Variants in USH2A observed in about 807,000 individuals in gnomAD.
The protein encoded by USH2A is usherin.
A neutral mutation model predicts 538.9 loss-of-function variants in USH2A; 443 were observed. The observed-to-expected ratio is 0.82, with a 90% CI of 0.76 to 0.89. USH2A has a LOEUF of 0.89. USH2A is among the 40% of genes least tolerant of loss of function. USH2A has a pLI of 0.00. For synonymous variants in USH2A, 2,413 were observed against 2,273.5 expected, an observed-to-expected ratio of 1.06 and a Z score of -1.75; for missense variants, 6,633 against 6,324.8, an observed-to-expected ratio of 1.05 and a Z score of -1.65.
At position 216,000,573 on chromosome 1, in the gene USH2A, G is replaced by C. The variant is rs1668246281; in HGVS notation, c.6326-11C>G. On this transcript the variant is annotated splice_polypyrimidine_tract_variant and intron_variant, in intron 32 of 71. Transcript: ENST00000307340. Reference sequence around the variant, plus strand: ...TAAATACTGCTAAATCTAGGGGATAGGGAGAAACAAGAATTTACTCAGCAT... The same window carrying C: ...TAAATACTGCTAAATCTAGGGGATACGGAGAAACAAGAATTTACTCAGCAT... The C allele has an allele frequency of 1.2e-6, 2 of 1,612,992 alleles. No individual in the cohort carries two copies.
Position 216,022,208 on chromosome 1 carries a change from G to A in USH2A, c.6326-21646C>T, listed in dbSNP as rs572504362. On this transcript the variant is annotated intron_variant, in intron 32 of 71. Coordinates refer to ENST00000307340, the MANE Select transcript of USH2A (RefSeq NM_206933.4). The stretch of plus-strand genomic sequence containing the variant: ...TTCTTTATAAATTACCCAGTCTTGG[G>A]TGATTCCTTTATAGGAACACTAAAT... Among the ~76,000 whole-genome samples, 59 of 152,210 alleles carry A rather than the reference G, an allele frequency of 3.9e-4. 1 individual carries two copies. Among genetic ancestry groups the A allele is most frequent in the African/African-American group, 1.3e-3 (56 of 41,534 alleles).
chr1:215,644,877 G>C (rs967846958), intron 67 of USH2A, among the ~76,000 whole-genome samples: 1 of 152,176 alleles, frequency 6.6e-6, no homozygotes, highest in Non-Finnish European at 1.5e-5. Context: ...GGGAAGAGGA[G>C]CTTGTTTGCT....
rs76338216 is a variant in USH2A, at chr1:215,959,709, T to C, written c.7120+5608A>G. 8.8e-3 allele frequency among the ~76,000 whole-genome samples: 1,346 copies of C among 152,286 alleles called. 24 individuals carry two copies. Among genetic ancestry groups the C allele is most frequent in the African/African-American group, 0.031 (1,290 of 41,578 alleles). On this transcript the variant is annotated intron_variant, in intron 37 of 71. Transcript: ENST00000307340. ...CTTTTTCAAATAAATATCTTTATTC[T>C]GTGGCACAGCACAAAATAGGGGATT...
intron 4 of USH2A, among the ~76,000 whole-genome samples, chr1:216,330,447 C>T (rs2037836946): frequency 6.6e-6 from 1 of 151,882 alleles, no homozygotes; most frequent in Non-Finnish European, 1.5e-5. Flanking sequence ...GGGAATGAGT[C>T]ATACGTATAT....
At chr1:215,780,586 A>T (rs1661604001) in intron 54 of USH2A, among the ~76,000 whole-genome samples, 3 of 152,268 alleles carry the variant, frequency 2.0e-5, no homozygotes, top group Non-Finnish European at 2.9e-5. Flanking sequence ...ACAAGTCAGA[A>T]GAAAAAAATA....
At chr1:216,182,399 C>T (rs116415548) in intron 20 of USH2A, among the ~76,000 whole-genome samples, 364 of 152,056 alleles carry the variant, frequency 2.4e-3, no homozygotes, top group African/African-American at 8.3e-3. Context: ...TTTCTACATG[C>T]CATTTTCATA....
At chr1:215,801,132 T>C (rs973803211) in intron 49 of USH2A, among the ~76,000 whole-genome samples, 1 of 152,208 alleles carries the variant, frequency 6.6e-6, no homozygotes, top group East Asian at 1.9e-4. Flanking sequence ...AGATGAAAAC[T>C]ACTTCAACAT....
chr1:215,985,028 A>C (rs1409653605), intron 35 of USH2A, among the ~76,000 whole-genome samples: 1 of 152,186 alleles, frequency 6.6e-6, no homozygotes, highest in Non-Finnish European at 1.5e-5. Flanking sequence ...CTACCTGACA[A>C]ACTGACTGGA....
At chr1:216,209,573 A>G (rs1208122758) in intron 15 of USH2A, among the ~76,000 whole-genome samples, 3 of 152,240 alleles carry the variant, frequency 2.0e-5, no homozygotes, top group Non-Finnish European at 2.9e-5. Flanking sequence ...AACTCTGTCT[A>G]AAAGATATAA....
chr1:215,856,805 T>A (rs1664180714), intron 44 of USH2A, among the ~76,000 whole-genome samples: 1 of 151,008 alleles, frequency 6.6e-6, no homozygotes, highest in African/African-American at 2.4e-5. Context: ...CAAACGCCCA[T>A]CAATCAATGA....
rs1372692442 is a variant in USH2A at position 216,232,240 on chromosome 1, AC to A, written c.2810-105del. 7.2e-6 allele frequency: 9 copies of A among 1,258,154 alleles called. No individual in the cohort carries two copies. In the African/African-American group the frequency reaches 1.4e-4, roughly 19 times the overall value. The allele number at this position is 1,258,154 out of a possible 1,614,324, so 77.9% of individuals were successfully genotyped here. On this transcript the variant is annotated intron_variant, in intron 13 of 71. Transcript: ENST00000307340. ...GAAAAACAGAATACTCTACCAAGGC[AC>A]TAATTCCCAATACAAATGTGGTTAT...
chr1:215,785,285 T>G (rs1379268386), intron 52 of USH2A, among the ~76,000 whole-genome samples: 1 of 152,102 alleles, frequency 6.6e-6, no homozygotes, highest in African/African-American at 2.4e-5. Context: ...ACCTAGGCCT[T>G]GAGTAGGATG....
chr1:216,185,679 A>G (rs538073114), intron 20 of USH2A, among the ~76,000 whole-genome samples: 80 of 152,102 alleles, frequency 5.3e-4, no homozygotes, highest in African/African-American at 1.8e-3. Context: ...CAGGATGAAC[A>G]GTAAAGTTGC....
intron 22 of USH2A, among the ~76,000 whole-genome samples, chr1:216,091,022 T>A (rs1268028219): frequency 6.6e-6 from 1 of 152,104 alleles, no homozygotes; most frequent in Non-Finnish European, 1.5e-5. Flanking sequence ...AGAAATCAAG[T>A]TTATTGGAGA....
intron 10 of USH2A, among the ~76,000 whole-genome samples, chr1:216,291,359 T>C (rs979320840): frequency 6.6e-6 from 1 of 152,210 alleles, no homozygotes; most frequent in African/African-American, 2.4e-5. Flanking sequence ...GGTTAACTCC[T>C]ACTGTCCTTG....
intron 50 of USH2A, among the ~76,000 whole-genome samples, chr1:215,794,644 TA>T (rs1473932430): frequency 6.6e-6 from 1 of 152,182 alleles, no homozygotes; most frequent in Non-Finnish European, 1.5e-5. Context: ...TTTTCCTTTG[TA>T]AAACTATTAT....
chr1:215,677,667 T>G (rs1571951606), intron 62 of USH2A, among the ~76,000 whole-genome samples: 1 of 152,212 alleles, frequency 6.6e-6, no homozygotes, highest in Non-Finnish European at 1.5e-5. Flanking sequence ...ACTCCACTCA[T>G]GCACTTTTCC....
At chr1:216,309,705 T>C (rs2037385392) in intron 9 of USH2A, among the ~76,000 whole-genome samples, 1 of 152,116 alleles carries the variant, frequency 6.6e-6, no homozygotes. Flanking sequence ...TTCTATTAAG[T>C]TGAGTATGTT....
At chr1:215,825,962 T>G (rs1482954734) in intron 47 of USH2A, among the ~76,000 whole-genome samples, 2 of 152,162 alleles carry the variant, frequency 1.3e-5, no homozygotes, top group Non-Finnish European at 2.9e-5. Flanking sequence ...TGAAGAGATC[T>G]TGGGACAGCT....
Sources: gnomAD v4.1 joint callset for allele counts (sites outside exome capture counted in the v4.1 genomes callset) on GRCh38, gnomAD v4.1.1 for gene constraint, MANE v1.5 for transcripts, NCBI Gene and HGNC (gene_info 2026-07-23, HGNC 2026-07-21) for gene names.